Variants in PALD1 observed in about 807,000 individuals in gnomAD.
PALD1 encodes the protein paladin.
In PALD1, 57 loss-of-function variants were observed where a neutral mutation model predicts 96.0. That is an observed-to-expected ratio of 0.59 (90% confidence interval 0.48 to 0.74). The LOEUF (loss-of-function observed/expected upper bound fraction) is 0.74, where lower values mean the gene tolerates loss of function less well. PALD1 is among the 30% of genes least tolerant of loss of function. The pLI, the probability that PALD1 is intolerant of heterozygous loss-of-function variation, is 0.00. For missense variants in PALD1, 1,063 were observed against 1,143.7 expected, an observed-to-expected ratio of 0.93 and a Z score of 1.02; for synonymous variants, 464 against 473.6, an observed-to-expected ratio of 0.98 and a Z score of 0.26.
chr10:70,480,581 G>T (rs982801788), intron 1 of PALD1, among the ~76,000 whole-genome samples: 5 of 152,212 alleles, frequency 3.3e-5, no homozygotes, highest in Admixed American at 2.6e-4. Flanking sequence ...GCTGTATCTG[G>T]GGCCCTGCCC....
intron 10 of PALD1, among the ~76,000 whole-genome samples, chr10:70,536,552 T>A (rs988314283): frequency 2.0e-5 from 3 of 152,216 alleles, no homozygotes; most frequent in African/African-American, 7.2e-5. Flanking sequence ...AAACTACGGC[T>A]TAGACCAAAT....
At chr10:70,471,808 G>A in the PALD1 span, among the ~76,000 whole-genome samples, 1 of 152,348 alleles carries the variant, frequency 6.6e-6, no homozygotes, top group African/African-American at 2.4e-5. Flanking sequence ...CCACCCATCA[G>A]CAAAACTGTC....
At chr10:70,538,131 A>T in intron 11 of PALD1, 149 bp from the exon 12 acceptor site, 1 of 848,302 alleles carries the variant, frequency 1.2e-6, no homozygotes, top group Non-Finnish European at 1.8e-6. Flanking sequence ...AGGACACCAG[A>T]CGTCCAGGTC....
At chr10:70,536,584 T>C (rs1318025090) in intron 10 of PALD1, among the ~76,000 whole-genome samples, 1 of 152,218 alleles carries the variant, frequency 6.6e-6, no homozygotes, top group Non-Finnish European at 1.5e-5. Context: ...CCTGTCTTTG[T>C]AAATGTGTTA....
Position 70,526,066 on chromosome 10 carries a change from C to CT in PALD1, c.115_116insT (p.Gln39LeufsTer4). Reference sequence around the variant, plus strand: ...GCACTCCGTCAGCATCCACTCCTTCCAGAGCACTAGCTTGCATAACAGCAA... The same window carrying CT: ...GCACTCCGTCAGCATCCACTCCTTCCTAGAGCACTAGCTTGCATAACAGCAA... On this transcript the variant is annotated frameshift_variant, in exon 2 of 20. Transcript: ENST00000263563. LOFTEE classifies it high-confidence loss of function. 1 of 1,614,216 alleles carries CT rather than the reference C, an allele frequency of 6.2e-7. No homozygotes were observed. The highest frequency in any genetic ancestry group is 8.5e-7 in the Non-Finnish European group (1 of 1,180,026).
upstream of PALD1, among the ~76,000 whole-genome samples, chr10:70,474,438 G>GT (rs1351359674): frequency 6.6e-6 from 1 of 152,100 alleles, no homozygotes; most frequent in African/African-American, 2.4e-5. Context: ...GCGGGCGCCT[G>GT]TAATTCTAAC....
the PALD1 span, among the ~76,000 whole-genome samples, chr10:70,470,299 G>A: frequency 1.3e-5 from 2 of 152,096 alleles, no homozygotes; most frequent in Non-Finnish European, 2.9e-5. Context: ...CTCTACATTT[G>A]TGCATATGTA....
At chr10:70,524,378 T>G (rs1846809803) in intron 1 of PALD1, among the ~76,000 whole-genome samples, 1 of 152,036 alleles carries the variant, frequency 6.6e-6, no homozygotes, top group African/African-American at 2.4e-5. Flanking sequence ...CCCCCTCCCT[T>G]CTCTGCAGCT....
rs529759649 is a variant in PALD1, at chr10:70,490,235, C to T, written c.-30+11176C>T. ...ACCACGCCTGGCCCTCTCTCTCTCT[C>T]TCTTTTTTAAAGGTCTCACTCTGTT... On this transcript the variant is annotated intron_variant, in intron 1 of 19. Transcript: ENST00000263563. 4.9e-4 allele frequency among the ~76,000 whole-genome samples: 74 copies of T among 152,152 alleles called. 2 individuals carry two copies. The South Asian group carries it at 0.014, about 29-fold the overall frequency.
At chr10:70,542,142 G>A (rs535522571) in intron 17 of PALD1, among the ~76,000 whole-genome samples, 4 of 152,044 alleles carry the variant, frequency 2.6e-5, no homozygotes, top group South Asian at 2.1e-4. Context: ...CCCTGCCCTC[G>A]CCCCAGTCCT....
intron 18 of PALD1, among the ~76,000 whole-genome samples, chr10:70,554,691 C>G (rs867600639): frequency 6.6e-6 from 1 of 151,798 alleles, no homozygotes. Context: ...TTAATGCCAG[C>G]GACACTTTTC....
At chr10:70,479,907 C>T (rs1294586289) in intron 1 of PALD1, among the ~76,000 whole-genome samples, 1 of 152,158 alleles carries the variant, frequency 6.6e-6, no homozygotes, top group Admixed American at 6.5e-5. Flanking sequence ...GAGGCTCAGC[C>T]CCTGGGGGCA....
chr10:70,527,600 A>G (rs1041925613), intron 2 of PALD1, among the ~76,000 whole-genome samples: 1 of 152,202 alleles, frequency 6.6e-6, no homozygotes, highest in African/African-American at 2.4e-5. Flanking sequence ...GGCCCTTTCC[A>G]GAAAAGGAAT....
chr10:70,483,275 C>T lies in PALD1; in HGVS notation c.-30+4216C>T, dbSNP rs562161621. Among the ~76,000 whole-genome samples, 9 of 152,210 alleles carry T rather than the reference C, an allele frequency of 5.9e-5. 1 individual carries two copies. The highest frequency in any genetic ancestry group is 1.9e-4 in the East Asian group (1 of 5,168). Reference sequence around the variant, plus strand: ...CAGAGGTGTGACAGCCCTTGTGAAGCGTTTTGTGTATTTCCCATAACTGGC... The same window carrying T: ...CAGAGGTGTGACAGCCCTTGTGAAGTGTTTTGTGTATTTCCCATAACTGGC... On this transcript the variant is annotated intron_variant, in intron 1 of 19. Transcript: ENST00000263563.
At chr10:70,510,241 T>C (rs930812979) in intron 1 of PALD1, among the ~76,000 whole-genome samples, 1 of 151,826 alleles carries the variant, frequency 6.6e-6, no homozygotes, top group African/African-American at 2.4e-5. Flanking sequence ...GAAATGATGC[T>C]TTAGGTACCT....
intron 1 of PALD1, among the ~76,000 whole-genome samples, chr10:70,521,312 T>C (rs1846731032): frequency 6.6e-6 from 1 of 152,082 alleles, no homozygotes; most frequent in Non-Finnish European, 1.5e-5. Context: ...GGGGCAGTTG[T>C]CAACTGCTGC....
At chr10:70,529,741 A>C in intron 3 of PALD1, 148 bp from the exon 4 acceptor site, 1 of 628,588 alleles carries the variant, frequency 1.6e-6, no homozygotes, top group South Asian at 2.0e-5. Context: ...TGTTTTTTCC[A>C]TGAACTGCAG....
At position 70,520,005 on chromosome 10, in the gene PALD1, G is replaced by T. The variant is rs1213231527; in HGVS notation, c.-29-5918G>T. On this transcript the variant is annotated intron_variant, in intron 1 of 19. Coordinates refer to ENST00000263563, the MANE Select transcript of PALD1 (RefSeq NM_014431.3). ...GATACAGGGCAGGGGGTCTTGAGTG[G>T]TTAGGCCTCAGCAGCGATAGGGTCT... 2.6e-5 allele frequency among the ~76,000 whole-genome samples: 4 copies of T among 152,280 alleles called. No individual in the cohort carries two copies. In the East Asian group the frequency reaches 7.7e-4, roughly 29 times the overall value.
At chr10:70,499,233 C>T (rs1395253537) in intron 1 of PALD1, among the ~76,000 whole-genome samples, 2 of 152,160 alleles carry the variant, frequency 1.3e-5, no homozygotes, top group African/African-American at 4.8e-5. Context: ...TGTTTCTGAC[C>T]CCAGCTCTGG....
Sources: gnomAD v4.1 joint callset for allele counts (sites outside exome capture counted in the v4.1 genomes callset) on GRCh38, gnomAD v4.1.1 for gene constraint, MANE v1.5 for transcripts, NCBI Gene and HGNC (gene_info 2026-07-23, HGNC 2026-07-21) for gene names.